PLEKHG5: variants seen among roughly 807,000 people sequenced by gnomAD.
PLEKHG5 encodes the protein pleckstrin homology and RhoGEF domain containing G5.
A neutral mutation model predicts 103.8 loss-of-function variants in PLEKHG5; 52 were observed. The ratio of observed to expected loss-of-function variants is 0.50; its 90% CI spans 0.40 to 0.63. PLEKHG5 has a LOEUF of 0.63. Ranked by LOEUF, PLEKHG5 falls within the 30% of genes least tolerant of loss-of-function variation. The pLI, the probability that PLEKHG5 is intolerant of heterozygous loss-of-function variation, is 0.00. For synonymous variants in PLEKHG5, 592 were observed against 575.5 expected (o/e 1.03, Z -0.41); for missense variants, 1,205 against 1,347.6 (o/e 0.89, Z 1.66).
intron 1 of PLEKHG5, among the ~76,000 whole-genome samples, chr1:6,518,569 AAAAAAAGAAAAAG>A (rs1388085082): frequency 1.3e-5 from 2 of 151,750 alleles, no homozygotes; most frequent in Middle Eastern, 3.2e-3. Flanking sequence ...CAAAAAAAAA[AAAAAAAGAAAAAG>A]AAAAAAGAAA....
chr1:6,488,900 A>G (rs1645091428), intron 1 of PLEKHG5, among the ~76,000 whole-genome samples: 1 of 151,994 alleles, frequency 6.6e-6, no homozygotes, highest in Non-Finnish European at 1.5e-5. Flanking sequence ...GGACCCCCGC[A>G]CCCGGCTGTT....
chr1:6,489,074 TG>T (rs901708988), intron 1 of PLEKHG5, among the ~76,000 whole-genome samples: 2 of 152,146 alleles, frequency 1.3e-5, no homozygotes, highest in African/African-American at 2.4e-5. Flanking sequence ...CTCCAGGCTC[TG>T]CCGACAGCAG....
rs74755721 is a variant in PLEKHG5, at chr1:6,509,730, C to T, written c.-165+9715G>A. Among the ~76,000 whole-genome samples, 1,480 of 152,328 alleles carry T rather than the reference C, an allele frequency of 9.7e-3. 26 individuals carry two copies. The highest frequency in any genetic ancestry group is 0.034 in the African/African-American group (1,403 of 41,574). On this transcript the variant is annotated intron_variant, in intron 1 of 21. Transcript: ENST00000377740. ...TTGGTTCAGGGTTAGGCTTCTGCCTCCCAAGCTGGGCAGCCTCGGCCGTGA... is the reference window on the plus strand; with the variant it reads ...TTGGTTCAGGGTTAGGCTTCTGCCTTCCAAGCTGGGCAGCCTCGGCCGTGA...
At chr1:6,512,299 T>C (rs1638495980) in intron 1 of PLEKHG5, among the ~76,000 whole-genome samples, 1 of 152,214 alleles carries the variant, frequency 6.6e-6, no homozygotes, top group Non-Finnish European at 1.5e-5. Flanking sequence ...TTGTCCTTCC[T>C]GCTCAGCACT....
chr1:6,519,833 T>C (rs1638725172), exon 1 of PLEKHG5: 1 of 456,734 alleles, frequency 2.2e-6, no homozygotes, highest in Admixed American at 3.5e-5. Context: ...TCTTGGATTT[T>C]CCATTCCTGA....
chr1:6,488,774 G>A (rs1304023290), intron 1 of PLEKHG5, among the ~76,000 whole-genome samples: 1 of 152,130 alleles, frequency 6.6e-6, no homozygotes, highest in Non-Finnish European at 1.5e-5. Context: ...TCCCTGGGGA[G>A]GGAGCCCCTC....
At chr1:6,489,140 GA>G (rs1002586759) in intron 1 of PLEKHG5, among the ~76,000 whole-genome samples, 3 of 152,158 alleles carry the variant, frequency 2.0e-5, no homozygotes, top group African/African-American at 7.2e-5. Flanking sequence ...TCCTTGCCAG[GA>G]ATTCCCACCA....
At position 6,471,605 on chromosome 1, in the gene PLEKHG5, C is replaced by T. The variant is rs1212330826; in HGVS notation, c.1164G>A (p.Pro388=). Residue 388 remains proline (P), a synonymous_variant, in exon 12 of 21, where the codon CCG becomes CCA. Coordinates refer to ENST00000377728, the MANE Select transcript of PLEKHG5 (RefSeq NM_020631.6). ...GCCTGCGGTGCAGCTGCGCGATCTC[C>T]GGGATGTTGCTGAACAGGCGCTCCG... The part of the protein sequence containing the change: ...VEAERLFSNI[P]EIAQLHRRLW... The T allele has an allele frequency of 1.9e-6, 3 of 1,594,814 alleles. No individual in the cohort carries two copies. The highest frequency in any genetic ancestry group is 1.8e-5 in the Admixed American group (1 of 57,050).
In PLEKHG5 at chr1:6,469,410, AG is replaced by A. The variant is rs1239554653; in HGVS notation, c.1973del (p.Ala658ValfsTer2). On this transcript the variant is annotated frameshift_variant, in exon 18 of 21. Transcript: ENST00000377728. LOFTEE classifies it high-confidence loss of function. ...TGGCCTGGAACGTGTAGGCCCCTAC[AG>A]CACTGTGAAACTCATTCAGGTAGAT... ...LLIYLNEFHS[A>X]VGAYTFQASG... 6.2e-7 allele frequency: 1 copy of A among 1,614,026 alleles called. No individual in the cohort carries two copies. The highest frequency in any genetic ancestry group is 8.5e-7 in the Non-Finnish European group (1 of 1,180,044).
At chr1:6,467,733 T>C (rs952265935) in intron 20 of PLEKHG5, 92 bp downstream of exon 20, 1 of 1,532,076 alleles carries the variant, frequency 6.5e-7, no homozygotes, top group African/African-American at 1.4e-5. Flanking sequence ...CCCTCCGCCA[T>C]GACCCTCCCC....
chr1:6,512,262 C>T (rs1346469914), intron 1 of PLEKHG5, among the ~76,000 whole-genome samples: 4 of 152,216 alleles, frequency 2.6e-5, no homozygotes, highest in Non-Finnish European at 5.9e-5. Flanking sequence ...GCTCCACATG[C>T]TGTGGGGTCA....
intron 1 of PLEKHG5, among the ~76,000 whole-genome samples, chr1:6,502,034 C>G (rs995524431): frequency 6.6e-6 from 1 of 152,270 alleles, no homozygotes; most frequent in African/African-American, 2.4e-5. Flanking sequence ...AATGTCCCCT[C>G]CCGCGTGAGC....
At chr1:6,501,161 T>C (rs1645292591), upstream of PLEKHG5, among the ~76,000 whole-genome samples, 1 of 152,168 alleles carries the variant, frequency 6.6e-6, no homozygotes, top group Admixed American at 6.5e-5. The surrounding 1 kb of genome is among the most constrained non-coding windows in gnomAD (Gnocchi z 4.3). Context: ...CCGAGCTGTG[T>C]CTGCCTCGGA....
intron 1 of PLEKHG5, among the ~76,000 whole-genome samples, chr1:6,509,879 A>G (rs1156279882): frequency 1.3e-5 from 2 of 152,188 alleles, no homozygotes; most frequent in Non-Finnish European, 2.9e-5. Flanking sequence ...GCTCACCCCA[A>G]AGGGATAGAC....
At chr1:6,479,504 T>C (rs989714325) in intron 1 of PLEKHG5, among the ~76,000 whole-genome samples, 1 of 152,070 alleles carries the variant, frequency 6.6e-6, no homozygotes, top group East Asian at 1.9e-4. Context: ...GCCAGGATGG[T>C]CTCGATCTCC....
chr1:6,493,468 G>A (rs1484127813), upstream of PLEKHG5, among the ~76,000 whole-genome samples: 7 of 152,176 alleles, frequency 4.6e-5, no homozygotes, highest in East Asian at 3.8e-4. Flanking sequence ...AGGCTCTGAC[G>A]ATCATGCTGT....
chr1:6,469,490 T>C lies in PLEKHG5; in HGVS notation c.1934-40A>G, dbSNP rs200711247. 2.3e-5 allele frequency: 37 copies of C among 1,613,596 alleles called. No homozygotes were observed. The East Asian group carries it at 4.5e-4, about 19-fold the overall frequency. Reference sequence around the variant, plus strand: ...CCCAAGTCAGTGTCAGCAGAGACGATGGCCCCCACCCATCACAGCCCCTGA... The same window carrying C: ...CCCAAGTCAGTGTCAGCAGAGACGACGGCCCCCACCCATCACAGCCCCTGA... On this transcript the variant is annotated intron_variant, in intron 17 of 20. Transcript: ENST00000377728.
rs367729620 is a variant in PLEKHG5, at chr1:6,514,229, TG to T, written c.-165+5215del. 7.3e-5 allele frequency among the ~76,000 whole-genome samples: 11 copies of T among 151,574 alleles called. No individual in the cohort carries two copies. In the East Asian group the frequency reaches 2.1e-3, roughly 30 times the overall value. On this transcript the variant is annotated intron_variant, in intron 1 of 21. Coordinates refer to the PLEKHG5 transcript ENST00000377740. Reference sequence around the variant, plus strand: ...GTCCCAGCTGCTCAGGAGGCTGGGGTGGGTCTCTGGAACCTGGGAGGTTGAG... The same window carrying T: ...GTCCCAGCTGCTCAGGAGGCTGGGGTGGTCTCTGGAACCTGGGAGGTTGAG...
intron 1 of PLEKHG5, among the ~76,000 whole-genome samples, chr1:6,516,920 A>ACCCC (rs756554864): frequency 2.2e-4 from 31 of 138,982 alleles, no homozygotes; most frequent in African/African-American, 8.1e-4. Context: ...ACACACACAC[A>ACCCC]CACACATGTA....
Sources: allele counts gnomAD v4.1 joint callset (sites outside exome capture counted in the v4.1 genomes callset), GRCh38; gene constraint gnomAD v4.1.1; non-coding constraint Gnocchi (gnomAD v3.1); transcripts MANE v1.5; gene names NCBI Gene and HGNC (gene_info 2026-07-23, HGNC 2026-07-21).